The following NRXN3 variants were observed in gnomAD, a reference collection of about 807,000 sequenced individuals.
NRXN3 encodes neurexin III.
A neutral mutation model predicts 137.6 loss-of-function variants in NRXN3; 32 were observed. The ratio of observed to expected loss-of-function variants is 0.23; its 90% confidence interval spans 0.18 to 0.31. The LOEUF is 0.31. Among genes scored for constraint, NRXN3 ranks in the 10% least tolerant of loss-of-function variants. The probability of loss-of-function intolerance (pLI) is 1.00; values close to 1 mark genes in which losing one functional copy is unlikely to be tolerated. For missense variants in NRXN3, 1,574 were observed against 2,062.5 expected, an observed-to-expected ratio of 0.76 and a Z score of 4.59; for synonymous variants, 798 against 784.5, an observed-to-expected ratio of 1.02 and a Z score of -0.29.
intron 8 of NRXN3, among the ~76,000 whole-genome samples, chr14:78,783,732 C>A (rs1213671532): frequency 6.6e-6 from 1 of 151,980 alleles, no homozygotes; most frequent in Non-Finnish European, 1.5e-5. Flanking sequence ...AGTTTGCTTA[C>A]AGAATTGAGA....
chr14:78,575,649 T>C (rs1023081891), intron 4 of NRXN3, among the ~76,000 whole-genome samples: 2 of 151,998 alleles, frequency 1.3e-5, no homozygotes, highest in Non-Finnish European at 2.9e-5. Context: ...TAATGGCGAG[T>C]CATAAGTAAT....
chr14:79,336,560 A>G (rs1271529944), intron 15 of NRXN3, among the ~76,000 whole-genome samples: 1 of 152,176 alleles, frequency 6.6e-6, no homozygotes, highest in African/African-American at 2.4e-5. Flanking sequence ...AGAATGGCAA[A>G]CAAATGGCAT....
At chr14:79,536,459 T>A (rs981407478) in intron 16 of NRXN3, among the ~76,000 whole-genome samples, 16 of 152,042 alleles carry the variant, frequency 1.1e-4, no homozygotes, top group Admixed American at 2.6e-4. Context: ...ATTAATTATT[T>A]TTTTTTTAAT....
chr14:78,474,439 G>A (rs2095341558), intron 4 of NRXN3, among the ~76,000 whole-genome samples: 1 of 152,070 alleles, frequency 6.6e-6, no homozygotes, highest in Admixed American at 6.6e-5. Flanking sequence ...TAAAAATGTG[G>A]ATACCAGCTT....
intron 6 of NRXN3, among the ~76,000 whole-genome samples, chr14:78,692,382 A>C (rs2098179959): frequency 1.3e-5 from 2 of 152,144 alleles, no homozygotes; most frequent in Admixed American, 1.3e-4. Flanking sequence ...TCTATATGGT[A>C]ATTTATATTA....
At chr14:79,207,748 G>C (rs555217290) in intron 15 of NRXN3, among the ~76,000 whole-genome samples, 1 of 152,128 alleles carries the variant, frequency 6.6e-6, no homozygotes, top group Non-Finnish European at 1.5e-5. Context: ...ATAGGCATAA[G>C]GGTTGTTCTT....
intron 4 of NRXN3, among the ~76,000 whole-genome samples, chr14:78,449,155 C>A (rs1020076395): frequency 8.5e-5 from 13 of 152,356 alleles, no homozygotes; most frequent in African/African-American, 2.9e-4. Flanking sequence ...GCACCTCTCT[C>A]TGTGTCTTCC....
intron 15 of NRXN3, among the ~76,000 whole-genome samples, chr14:79,361,062 A>C (rs189515430): frequency 2.0e-3 from 299 of 152,330 alleles, no homozygotes; most frequent in Non-Finnish European, 3.4e-3. Context: ...TGATGAAGGC[A>C]GGGTGATTTT....
intron 4 of NRXN3, among the ~76,000 whole-genome samples, chr14:78,492,203 C>T (rs2153750262): frequency 6.6e-6 from 1 of 152,206 alleles, no homozygotes; most frequent in East Asian, 1.9e-4. Flanking sequence ...TCCAGTTATC[C>T]AAGGTATAGA....
Position 79,454,203 on chromosome 14 carries a change from C to A in NRXN3, c.3263-13018C>A, listed in dbSNP as rs185511781. 5.9e-3 allele frequency among the ~76,000 whole-genome samples: 900 copies of A among 152,140 alleles called. 8 individuals carry two copies. Among genetic ancestry groups the A allele is most frequent in the African/African-American group, 0.021 (862 of 41,510 alleles). On this transcript the variant is annotated intron_variant, in intron 15 of 20. Coordinates refer to ENST00000335750, the MANE Select transcript of NRXN3 (RefSeq NM_001330195.2). ...GGTTCAAGCGATTCTGTTGCCTCAA[C>A]CTTCCAAGAAGCTGGGACTACAGGT...
chr14:79,307,826 T>C (rs990077098), intron 15 of NRXN3, among the ~76,000 whole-genome samples: 4 of 151,974 alleles, frequency 2.6e-5, no homozygotes, highest in Non-Finnish European at 5.9e-5. Context: ...TCTTTTCCCC[T>C]GGCAGTCTTC....
At chr14:79,029,758 G>A (rs977571331) in intron 15 of NRXN3, among the ~76,000 whole-genome samples, 1 of 135,528 alleles carries the variant, frequency 7.4e-6, no homozygotes, top group African/African-American at 2.8e-5. Context: ...GCCCAAAAAT[G>A]CCCCTTGGAG....
intron 8 of NRXN3, among the ~76,000 whole-genome samples, chr14:78,723,467 A>G (rs1347822593): frequency 6.6e-6 from 1 of 152,236 alleles, no homozygotes; most frequent in Non-Finnish European, 1.5e-5. Context: ...CTTCTGAGCC[A>G]TCTTGAATCA....
intron 6 of NRXN3, among the ~76,000 whole-genome samples, chr14:78,670,555 AC>A (rs1387769184): frequency 7.2e-5 from 11 of 152,304 alleles, no homozygotes; most frequent in Admixed American, 7.2e-4. Flanking sequence ...AATGCCTCTG[AC>A]AGCAATAGCA....
intron 15 of NRXN3, among the ~76,000 whole-genome samples, chr14:78,997,617 T>G (rs1348956017): frequency 6.6e-6 from 1 of 152,236 alleles, no homozygotes; most frequent in Non-Finnish European, 1.5e-5. Context: ...TTTCATTTAT[T>G]TTTCTCCTCT....
chr14:79,802,857 G>GT lies in NRXN3; in HGVS notation c.4015-2247dup, dbSNP rs565418474. ...TGAAATGAACAATTCAGTAGTGTGTGTTTTTTTTAAGTATGTTTAAAAATT... is the reference window on the plus strand; with the variant it reads ...TGAAATGAACAATTCAGTAGTGTGTGTTTTTTTTTAAGTATGTTTAAAAATT... On this transcript the variant is annotated intron_variant, in intron 19 of 20. Coordinates refer to ENST00000335750, the MANE Select transcript of NRXN3 (RefSeq NM_001330195.2). Among the ~76,000 whole-genome samples, 164 of 151,822 alleles carry GT rather than the reference G, an allele frequency of 1.1e-3. 2 individuals are homozygous for GT. Among genetic ancestry groups the GT allele is most frequent in the African/African-American group, 1.7e-3 (72 of 41,378 alleles).
chr14:78,360,441 G>A (rs922833233), intron 4 of NRXN3, among the ~76,000 whole-genome samples: 4 of 152,158 alleles, frequency 2.6e-5, no homozygotes, highest in African/African-American at 9.7e-5. Context: ...TTTGCTTTGT[G>A]TCTAAGTTAT....
At chr14:78,905,523 T>C (rs1453882964) in intron 10 of NRXN3, among the ~76,000 whole-genome samples, 1 of 152,186 alleles carries the variant, frequency 6.6e-6, no homozygotes, top group Non-Finnish European at 1.5e-5. Context: ...GAGTTTATCA[T>C]GTATAAAATG....
At chr14:78,554,298 A>AT (rs1267683347) in intron 4 of NRXN3, among the ~76,000 whole-genome samples, 1 of 152,104 alleles carries the variant, frequency 6.6e-6, no homozygotes, top group Non-Finnish European at 1.5e-5. Context: ...GTGCCATTGG[A>AT]TATGTGGTTA....
Sources: allele counts gnomAD v4.1 joint callset (sites outside exome capture counted in the v4.1 genomes callset), GRCh38; gene constraint gnomAD v4.1.1; transcripts MANE v1.5; gene names NCBI Gene and HGNC (gene_info 2026-07-23, HGNC 2026-07-21).